SEMA5A: variants seen among roughly 807,000 people sequenced by gnomAD.
SEMA5A encodes semaphorin-5A.
In SEMA5A, 55 loss-of-function variants were observed where a neutral mutation model predicts 135.5. The observed-to-expected ratio is 0.41, with a 90% CI of 0.33 to 0.51. The LOEUF is 0.51. Ranked by LOEUF, SEMA5A falls within the 20% of genes least tolerant of loss-of-function variation. The pLI, the probability that SEMA5A is intolerant of heterozygous loss-of-function variation, is 0.37. For synonymous variants in SEMA5A, 580 were observed against 546.5 expected (o/e 1.06, Z -0.85); for missense variants, 1,290 against 1,419.9 (o/e 0.91, Z 1.47).
intron 16 of SEMA5A, among the ~76,000 whole-genome samples, chr5:9,067,141 C>T (rs533649424): frequency 7.2e-5 from 11 of 152,258 alleles, no homozygotes; most frequent in Non-Finnish European, 1.3e-4. Context: ...ACTTTTTTTA[C>T]GTATAAGGTT....
intron 8 of SEMA5A, among the ~76,000 whole-genome samples, chr5:9,213,200 T>C (rs551762008): frequency 1.4e-4 from 22 of 152,358 alleles, no homozygotes; most frequent in African/African-American, 5.3e-4. Context: ...GGTTCAATTT[T>C]AACCTACGAC....
chr5:9,242,750 C>A (rs1466677266), intron 5 of SEMA5A, among the ~76,000 whole-genome samples: 3 of 152,090 alleles, frequency 2.0e-5, no homozygotes, highest in African/African-American at 7.2e-5. Context: ...CTTCTCTACC[C>A]CAATAACATA....
At position 9,086,376 on chromosome 5, in the gene SEMA5A, T is replaced by G. The variant is rs201202622; in HGVS notation, c.2074-19730A>C. Among the ~76,000 whole-genome samples, 10 of 152,182 alleles carry G rather than the reference T, an allele frequency of 6.6e-5. No homozygotes were observed. In the East Asian group the frequency reaches 1.7e-3, roughly 27 times the overall value. On this transcript the variant is annotated intron_variant, in intron 16 of 22. Transcript: ENST00000382496. ...GGGAGGGACCTGGTGTGGGTCTGGG[T>G]GGACCCACATGGAGGTGGGTTTTTT...
At chr5:9,168,163 C>T (rs759924062) in intron 11 of SEMA5A, among the ~76,000 whole-genome samples, 3 of 152,008 alleles carry the variant, frequency 2.0e-5, no homozygotes, top group Non-Finnish European at 4.4e-5. Context: ...GGAGGAGAGC[C>T]GTAAGTACAG....
chr5:9,320,048 G>C (rs1752558385), intron 4 of SEMA5A, among the ~76,000 whole-genome samples: 1 of 152,118 alleles, frequency 6.6e-6, no homozygotes, highest in Admixed American at 6.5e-5. Context: ...TCACATTCAG[G>C]TAGTCTCATG....
intron 2 of SEMA5A, among the ~76,000 whole-genome samples, chr5:9,436,472 T>A (rs534676724): frequency 6.6e-6 from 1 of 152,276 alleles, no homozygotes; most frequent in Non-Finnish European, 1.5e-5. Flanking sequence ...GCTGAGCACA[T>A]CTACACATCT....
intron 4 of SEMA5A, among the ~76,000 whole-genome samples, chr5:9,321,454 T>C (rs1349119046): frequency 1.3e-5 from 2 of 152,184 alleles, no homozygotes; most frequent in Non-Finnish European, 2.9e-5. Context: ...GAGTCAGCAT[T>C]ACCTAGCAAT....
chr5:9,356,281 G>A (rs544854533), intron 3 of SEMA5A, among the ~76,000 whole-genome samples: 3 of 152,230 alleles, frequency 2.0e-5, no homozygotes, highest in South Asian at 2.1e-4. Context: ...GTCAACCCAC[G>A]TTCCGTATAT....
chr5:9,382,625 A>G (rs1017791147), intron 2 of SEMA5A, among the ~76,000 whole-genome samples: 4 of 152,232 alleles, frequency 2.6e-5, no homozygotes, highest in African/African-American at 9.6e-5. Context: ...TTGGCTCAAT[A>G]TGAATAAACC....
At chr5:9,424,598 C>T (rs958718848) in intron 2 of SEMA5A, among the ~76,000 whole-genome samples, 4 of 152,262 alleles carry the variant, frequency 2.6e-5, no homozygotes, top group African/African-American at 9.6e-5. Flanking sequence ...GAAATGAAAG[C>T]CTTCAACTCA....
chr5:9,185,019 C>T (rs539501100), intron 11 of SEMA5A, among the ~76,000 whole-genome samples: 2 of 152,142 alleles, frequency 1.3e-5, no homozygotes, highest in African/African-American at 2.4e-5. Context: ...CCTCAAATTC[C>T]TAGGCTCAAG....
At chr5:9,236,062 A>G (rs1033528347) in intron 6 of SEMA5A, among the ~76,000 whole-genome samples, 5 of 152,194 alleles carry the variant, frequency 3.3e-5, no homozygotes, top group Non-Finnish European at 7.4e-5. Context: ...CTTATTCAGT[A>G]TCATGAGAAT....
chr5:9,266,018 C>T (rs888473973), intron 5 of SEMA5A, among the ~76,000 whole-genome samples: 5 of 152,168 alleles, frequency 3.3e-5, no homozygotes, highest in Non-Finnish European at 5.9e-5. Context: ...TCCCACTTAC[C>T]GCGAAAAAAT....
chr5:9,516,258 C>T (rs568730585), intron 1 of SEMA5A, among the ~76,000 whole-genome samples: 1 of 152,046 alleles, frequency 6.6e-6, no homozygotes, highest in East Asian at 1.9e-4. Flanking sequence ...GCAAACACCA[C>T]GCAACACATA....
At chr5:9,513,605 C>A (rs769897198) in intron 1 of SEMA5A, among the ~76,000 whole-genome samples, 1 of 152,046 alleles carries the variant, frequency 6.6e-6, no homozygotes, top group Non-Finnish European at 1.5e-5. Context: ...GGCGGCAGCT[C>A]CTCACACAAA....
intron 19 of SEMA5A, among the ~76,000 whole-genome samples, 183 bp from the exon 20 acceptor site, chr5:9,052,211 C>A (rs756775978): frequency 1.3e-5 from 2 of 152,104 alleles, no homozygotes; most frequent in Non-Finnish European, 2.9e-5. Context: ...ACAGTACACA[C>A]GAGGATGAAT....
intron 3 of SEMA5A, among the ~76,000 whole-genome samples, chr5:9,358,435 C>T (rs1014966039): frequency 3.3e-5 from 5 of 152,168 alleles, no homozygotes; most frequent in African/African-American, 1.2e-4. Flanking sequence ...GCCACAGAAC[C>T]TCTCTGTGCA....
chr5:9,176,189 C>T (rs891308658), intron 11 of SEMA5A, among the ~76,000 whole-genome samples: 1 of 152,126 alleles, frequency 6.6e-6, no homozygotes, highest in African/African-American at 2.4e-5. Context: ...GAAGACTGGG[C>T]CTCTCTGAGA....
At chr5:9,448,293 T>C (rs973017519) in intron 1 of SEMA5A, among the ~76,000 whole-genome samples, 1 of 152,192 alleles carries the variant, frequency 6.6e-6, no homozygotes, top group Non-Finnish European at 1.5e-5. Context: ...ACTGCCAACA[T>C]TCAATGGATG....
Sources: allele counts gnomAD v4.1 joint callset (sites outside exome capture counted in the v4.1 genomes callset), GRCh38; gene constraint gnomAD v4.1.1; transcripts MANE v1.5; gene names NCBI Gene and HGNC (gene_info 2026-07-23, HGNC 2026-07-21).